Variants in NAALADL2 observed in about 807,000 individuals in gnomAD.
NAALADL2 encodes the protein N-acetylated alpha-linked acidic dipeptidase like 2, also known as inactive N-acetylated-alpha-linked acidic dipeptidase-like protein 2.
A neutral mutation model predicts 87.2 loss-of-function variants in NAALADL2; 76 were observed. The observed-to-expected ratio is 0.87, with a 90% CI of 0.72 to 1.05. The LOEUF is 1.05. NAALADL2 is among the 50% of genes least tolerant of loss of function. The probability of loss-of-function intolerance (pLI) is 0.00; values close to 1 mark genes in which losing one functional copy is unlikely to be tolerated. For missense variants in NAALADL2, 1,089 were observed against 945.8 expected (o/e 1.15, Z -1.99); for synonymous variants, 354 against 331.0 (o/e 1.07, Z -0.75).
chr3:175,163,658 G>A lies in NAALADL2; in HGVS notation c.545+66367G>A, dbSNP rs193007524. ...ATGACTAGTATAAAAAGACCCATCG[G>A]TCTATAGTCCTAATATTTTTTCACT... On this transcript the variant is annotated intron_variant, in intron 2 of 13. Coordinates refer to ENST00000454872, the MANE Select transcript of NAALADL2 (RefSeq NM_207015.3). 2.7e-3 allele frequency among the ~76,000 whole-genome samples: 405 copies of A among 152,130 alleles called. 4 individuals carry two copies. Among genetic ancestry groups the A allele is most frequent in the African/African-American group, 9.3e-3 (385 of 41,516 alleles).
intron 9 of NAALADL2, among the ~76,000 whole-genome samples, chr3:175,570,013 G>T (rs1717802478): frequency 1.3e-5 from 2 of 152,162 alleles, no homozygotes; most frequent in Admixed American, 6.6e-5. Context: ...CGGTTGGAAA[G>T]ATACAGAGCT....
chr3:174,917,344 A>G (rs576770985), intron 1 of NAALADL2, among the ~76,000 whole-genome samples: 6 of 152,288 alleles, frequency 3.9e-5, no homozygotes, highest in Admixed American at 3.3e-4. Context: ...AAAATGCATT[A>G]TACATTTTAT....
chr3:174,713,359 G>T (rs1209544909), intron 2 of NAALADL2, among the ~76,000 whole-genome samples: 4 of 152,152 alleles, frequency 2.6e-5, no homozygotes, highest in African/African-American at 7.2e-5. Context: ...TCTAGTTCTA[G>T]ATCCCTGAGG....
intron 11 of NAALADL2, among the ~76,000 whole-genome samples, chr3:175,659,483 T>C (rs944156847): frequency 2.6e-5 from 4 of 152,226 alleles, no homozygotes; most frequent in African/African-American, 9.6e-5. Context: ...CTATTTTATA[T>C]TTTCTTAAAT....
intron 4 of NAALADL2, among the ~76,000 whole-genome samples, chr3:175,279,195 T>A (rs1753966545): frequency 6.6e-6 from 1 of 152,188 alleles, no homozygotes; most frequent in Admixed American, 6.5e-5. Flanking sequence ...GAACTCTCAA[T>A]CTTGGATTCA....
intron 1 of NAALADL2, among the ~76,000 whole-genome samples, chr3:174,468,713 C>A (rs1487121319): frequency 6.7e-6 from 1 of 149,346 alleles, no homozygotes; most frequent in Non-Finnish European, 1.5e-5. Flanking sequence ...TAAAATATAC[C>A]CAGATTTACC....
rs142479466 is a variant in NAALADL2 at position 175,337,989 on chromosome 3, T to C, written c.1090+13664T>C. Among the ~76,000 whole-genome samples, 522 of 152,154 alleles carry C rather than the reference T, an allele frequency of 3.4e-3. 3 individuals are homozygous for C. The highest frequency in any genetic ancestry group is 0.012 in the African/African-American group (490 of 41,550). On this transcript the variant is annotated intron_variant, in intron 5 of 13. Transcript: ENST00000454872. ...GGTGTATGGAAACCCTGCCTAATAA[T>C]TCAGTTCTGTTCTTCTCCTTCACAG...
chr3:174,544,271 A>T (rs1276048108), intron 1 of NAALADL2, among the ~76,000 whole-genome samples: 1 of 152,144 alleles, frequency 6.6e-6, no homozygotes, highest in Non-Finnish European at 1.5e-5. Context: ...ACATCCAGCA[A>T]TCTCAAATAT....
At chr3:174,755,618 C>T (rs141337086) in intron 3 of NAALADL2, among the ~76,000 whole-genome samples, 2 of 152,252 alleles carry the variant, frequency 1.3e-5, no homozygotes, top group Admixed American at 6.5e-5. Context: ...ATAGAGCAAG[C>T]CACACTGTAG....
rs374302288 is a variant in NAALADL2, at chr3:174,901,816, C to T, written c.43+42366C>T. 2.0e-5 allele frequency among the ~76,000 whole-genome samples: 3 copies of T among 152,064 alleles called. No homozygotes were observed. In the East Asian group the frequency reaches 5.8e-4, roughly 29 times the overall value. On this transcript the variant is annotated intron_variant, in intron 1 of 13. Coordinates refer to ENST00000454872, the MANE Select transcript of NAALADL2 (RefSeq NM_207015.3). ...TCATGAGCACTAATTTGAATGCAGG[C>T]AAGTCTAAGAGAAAAATACATTTTT...
intron 2 of NAALADL2, among the ~76,000 whole-genome samples, chr3:174,589,700 A>G (rs1447484183): frequency 1.3e-5 from 2 of 152,212 alleles, no homozygotes; most frequent in Non-Finnish European, 2.9e-5. Context: ...GAGAGCCAAT[A>G]AACAGCTGTC....
chr3:175,748,757 G>A (rs1746248147), intron 12 of NAALADL2, among the ~76,000 whole-genome samples: 1 of 152,180 alleles, frequency 6.6e-6, no homozygotes, highest in South Asian at 2.1e-4. Flanking sequence ...ACTTGTTGGA[G>A]TAGGAAAGTC....
At chr3:174,738,092 C>T (rs567879461) in intron 3 of NAALADL2, among the ~76,000 whole-genome samples, 1 of 152,190 alleles carries the variant, frequency 6.6e-6, no homozygotes, top group African/African-American at 2.4e-5. Flanking sequence ...ATTAAGTCAG[C>T]CTAGTGATTT....
chr3:175,174,065 AC>A (rs1286955520), intron 2 of NAALADL2, among the ~76,000 whole-genome samples: 1 of 152,114 alleles, frequency 6.6e-6, no homozygotes, highest in African/African-American at 2.4e-5. Context: ...AAAACTTAGA[AC>A]ATAAATTTTA....
intron 3 of NAALADL2, among the ~76,000 whole-genome samples, chr3:175,252,237 T>C (rs1749186873): frequency 6.6e-6 from 1 of 152,166 alleles, no homozygotes; most frequent in Admixed American, 6.5e-5. Context: ...GTTGGTACCA[T>C]TTTTTTCAGC....
intron 5 of NAALADL2, among the ~76,000 whole-genome samples, chr3:175,445,645 G>T (rs1203889205): frequency 2.0e-5 from 3 of 151,954 alleles, no homozygotes; most frequent in Non-Finnish European, 2.9e-5. Flanking sequence ...TCATTTTTGT[G>T]TTAAATCAAC....
At chr3:175,184,865 C>T (rs1276783612) in intron 2 of NAALADL2, among the ~76,000 whole-genome samples, 1 of 152,070 alleles carries the variant, frequency 6.6e-6, no homozygotes, top group African/African-American at 2.4e-5. Context: ...ATTCCAAAAA[C>T]TAAATGAGAT....
In NAALADL2 at chr3:174,738,991, A is replaced by T. The variant is rs376279178; in HGVS notation, c.-9+1245A>T. 7.2e-5 allele frequency among the ~76,000 whole-genome samples: 11 copies of T among 152,310 alleles called. No individual in the cohort carries two copies. In the East Asian group the frequency reaches 2.1e-3, roughly 29 times the overall value. On this transcript the variant is annotated intron_variant, in intron 3 of 3. Coordinates refer to the NAALADL2 transcript ENST00000434257. ...ACATCCAAGAATAAAACTAGCCTGTAAATTACTGATTAGCAGCTTATTTCT... is the reference window on the plus strand; with the variant it reads ...ACATCCAAGAATAAAACTAGCCTGTTAATTACTGATTAGCAGCTTATTTCT...
chr3:174,685,507 G>C (rs553382781), intron 2 of NAALADL2, among the ~76,000 whole-genome samples: 13 of 152,136 alleles, frequency 8.5e-5, no homozygotes, highest in African/African-American at 3.1e-4. Flanking sequence ...GGAGCAGCTA[G>C]AGAAATTTTT....
Sources: allele counts gnomAD v4.1 joint callset (sites outside exome capture counted in the v4.1 genomes callset), GRCh38; gene constraint gnomAD v4.1.1; transcripts MANE v1.5; gene names NCBI Gene and HGNC (gene_info 2026-07-23, HGNC 2026-07-21).